Variants in PTPRK observed in about 807,000 individuals in gnomAD.
PTPRK encodes the protein protein tyrosine phosphatase receptor type K.
Under a neutral mutation model 178.0 loss-of-function variants are expected in PTPRK, and 75 were observed. That is an observed-to-expected ratio of 0.42 (90% confidence interval 0.35 to 0.51). The LOEUF is 0.51. Among genes scored for constraint, PTPRK ranks in the 20% least tolerant of loss-of-function variants. PTPRK has a pLI of 0.02. For synonymous variants in PTPRK, 637 were observed against 620.6 expected (o/e 1.03, Z -0.39); for missense variants, 1,441 against 1,797.8 (o/e 0.80, Z 3.59).
At chr6:128,180,887 A>G (rs566365587) in intron 7 of PTPRK, among the ~76,000 whole-genome samples, 61 of 152,226 alleles carry the variant, frequency 4.0e-4, no homozygotes, top group African/African-American at 1.4e-3. Flanking sequence ...GAGAAAAATC[A>G]CCTATGATAG....
chr6:128,003,216 A>C, intron 15 of PTPRK: 1 of 1,605,248 alleles, frequency 6.2e-7, no homozygotes, highest in Non-Finnish European at 8.5e-7. Flanking sequence ...CAGTCGGTAC[A>C]AGTGGATCAT....
At chr6:128,064,707 T>C (rs1004120090) in intron 13 of PTPRK, 51 bp downstream of exon 13, 1 of 1,554,626 alleles carries the variant, frequency 6.4e-7, no homozygotes, top group South Asian at 1.2e-5. Context: ...CCTTCCATTT[T>C]AGAAAGGGGG....
At chr6:128,404,119 C>A (rs1305219088) in intron 1 of PTPRK, among the ~76,000 whole-genome samples, 1 of 152,188 alleles carries the variant, frequency 6.6e-6, no homozygotes, top group Non-Finnish European at 1.5e-5. Context: ...CAACCAAGAA[C>A]CTTTAACTTC....
chr6:128,418,197 C>T (rs529360954), intron 1 of PTPRK, among the ~76,000 whole-genome samples: 3 of 152,256 alleles, frequency 2.0e-5, no homozygotes, highest in African/African-American at 7.2e-5. Context: ...TCAAACCATC[C>T]CCACCCTCGC....
At chr6:128,469,911 T>C (rs184056838) in intron 1 of PTPRK, among the ~76,000 whole-genome samples, 88 of 152,090 alleles carry the variant, frequency 5.8e-4, no homozygotes, top group Middle Eastern at 3.4e-3. Flanking sequence ...GGCAAGGAAA[T>C]GGATCTTCCC....
intron 1 of PTPRK, 27 bp from the exon 2 acceptor site, chr6:128,397,715 A>C: frequency 6.2e-7 from 1 of 1,607,950 alleles, no homozygotes; most frequent in East Asian, 2.2e-5. Context: ...CTACTGTTAC[A>C]TTCTAAACAG....
chr6:128,188,119 C>T (rs1347730358), intron 6 of PTPRK, among the ~76,000 whole-genome samples: 1 of 152,106 alleles, frequency 6.6e-6, no homozygotes, highest in Non-Finnish European at 1.5e-5. Context: ...ATGAAGCATG[C>T]AATCCCCAAA....
chr6:128,457,306 T>C (rs1348818370), intron 1 of PTPRK, among the ~76,000 whole-genome samples: 1 of 152,146 alleles, frequency 6.6e-6, no homozygotes, highest in African/African-American at 2.4e-5. Flanking sequence ...TTTATTCACT[T>C]GATTATGTTT....
intron 21 of PTPRK, among the ~76,000 whole-genome samples, chr6:127,990,239 A>T (rs1016700372): frequency 6.6e-6 from 1 of 152,016 alleles, no homozygotes; most frequent in Non-Finnish European, 1.5e-5. Flanking sequence ...ATATCTGCAC[A>T]TCTTGGCCTG....
At chr6:128,331,259 C>T (rs190668296) in intron 2 of PTPRK, among the ~76,000 whole-genome samples, 83 of 152,194 alleles carry the variant, frequency 5.5e-4, no homozygotes, top group Admixed American at 2.9e-3. Context: ...TCCTGCCCTG[C>T]ATTCCCATAG....
chr6:128,079,367 A>C (rs1784402762), intron 10 of PTPRK, among the ~76,000 whole-genome samples: 1 of 152,012 alleles, frequency 6.6e-6, no homozygotes, highest in African/African-American at 2.4e-5. Context: ...TATAGTGTAG[A>C]AAGACACAGT....
At chr6:128,046,498 G>C (rs993421999) in intron 13 of PTPRK, among the ~76,000 whole-genome samples, 1 of 152,054 alleles carries the variant, frequency 6.6e-6, no homozygotes, top group Non-Finnish European at 1.5e-5. Flanking sequence ...ATGGCTAGGC[G>C]AATCTACCAC....
In PTPRK at chr6:128,089,833, T is replaced by C. The variant is rs770375325; in HGVS notation, c.1322A>G (p.Asp441Gly). ...GGCTTTGGGGTCCATGTCCAAACAG[T>C]CTGCCTTGCTCTCGTTGTGACCACG... is the stretch of plus-strand genomic sequence containing the variant. ...YFRGHNESKADCLDMDPKAPQ... is the reference protein window; with the variant it reads ...YFRGHNESKAGCLDMDPKAPQ... The change falls in exon 8 of 30, where the codon GAC (aspartate) becomes GGC (glycine). Residue 441 changes from aspartate to glycine, a missense_variant. Around this residue, in one of 4 missense-constraint regions of PTPRK, gnomAD observed 945 missense variants for 1,080.6 expected, o/e 0.87. Transcript: ENST00000368226. The C allele has an allele frequency of 6.6e-5, 106 of 1,614,014 alleles. 1 individual carries two copies. Among genetic ancestry groups the C allele is most frequent in the Admixed American group, 3.3e-4 (20 of 59,998 alleles).
At chr6:128,154,028 G>T (rs1797643843) in intron 7 of PTPRK, among the ~76,000 whole-genome samples, 1 of 151,740 alleles carries the variant, frequency 6.6e-6, no homozygotes, top group Admixed American at 6.6e-5. Context: ...CTTTAGCTAA[G>T]AATTGATTTC....
At chr6:128,117,547 C>A (rs1562615036) in intron 7 of PTPRK, among the ~76,000 whole-genome samples, 1 of 152,284 alleles carries the variant, frequency 6.6e-6, no homozygotes, top group East Asian at 1.9e-4. Flanking sequence ...TATTTAAATG[C>A]TGCAGTTTTC....
At chr6:128,441,128 A>G (rs1846227427) in intron 1 of PTPRK, among the ~76,000 whole-genome samples, 1 of 152,184 alleles carries the variant, frequency 6.6e-6, no homozygotes, top group South Asian at 2.1e-4. Context: ...TTATGATTTT[A>G]ATTTGCATTT....
chr6:128,312,700 C>A (rs920456903), intron 3 of PTPRK, among the ~76,000 whole-genome samples: 16 of 151,884 alleles, frequency 1.1e-4, no homozygotes, highest in African/African-American at 2.4e-4. Flanking sequence ...TCGATGTATA[C>A]GCAATTGTCT....
chr6:128,388,923 T>C (rs1839155289), intron 2 of PTPRK, among the ~76,000 whole-genome samples: 1 of 152,170 alleles, frequency 6.6e-6, no homozygotes, highest in African/African-American at 2.4e-5. Flanking sequence ...TACTTTCCTA[T>C]TTAATCTCCA....
chr6:128,435,038 CAGGAAGGCAGGAAGGAAGGA>C (rs1201643864), intron 1 of PTPRK, among the ~76,000 whole-genome samples: 4 of 75,974 alleles, frequency 5.3e-5, no homozygotes, highest in African/African-American at 1.5e-4. Context: ...GACAGGAAGG[CAGGAAGGCAGGAAGGAAGGA>C]AGGAAGGAAG....
Sources: allele counts gnomAD v4.1 joint callset (sites outside exome capture counted in the v4.1 genomes callset), GRCh38; gene constraint gnomAD v4.1.1; regional missense constraint gnomAD v4.1.1; transcripts MANE v1.5; gene names NCBI Gene and HGNC (gene_info 2026-07-23, HGNC 2026-07-21).